MEGF11: variants seen among roughly 807,000 people sequenced by gnomAD.
MEGF11 encodes the protein multiple EGF like domains 11.
MEGF11 carries 126 observed loss-of-function variants against 146.6 expected under a neutral mutation model. The ratio of observed to expected loss-of-function variants is 0.86; its 90% CI spans 0.74 to 1.00. The LOEUF is 1.00. MEGF11 is among the 50% of genes least tolerant of loss of function. The pLI is 0.00. For missense variants in MEGF11, 1,509 were observed against 1,521.2 expected (o/e 0.99, Z 0.13); for synonymous variants, 532 against 583.4 (o/e 0.91, Z 1.27).
At chr15:66,055,852 T>A (rs1368599729) in intron 5 of MEGF11, among the ~76,000 whole-genome samples, 1 of 152,028 alleles carries the variant, frequency 6.6e-6, no homozygotes, top group Non-Finnish European at 1.5e-5. Flanking sequence ...GTGGTTTCCA[T>A]CTCTCTCGTA....
chr15:66,004,233 C>G (rs908165736), intron 5 of MEGF11, among the ~76,000 whole-genome samples: 2 of 152,244 alleles, frequency 1.3e-5, no homozygotes, highest in East Asian at 3.9e-4. Flanking sequence ...AAGTCCTCCC[C>G]CTAGACCTTG....
chr15:66,132,789 C>T (rs1324035885), intron 1 of MEGF11, among the ~76,000 whole-genome samples: 1 of 152,162 alleles, frequency 6.6e-6, no homozygotes, highest in African/African-American at 2.4e-5. Flanking sequence ...ATATTTACCA[C>T]TTAGATATGG....
At chr15:66,185,209 T>C (rs1209033580) in intron 1 of MEGF11, among the ~76,000 whole-genome samples, 3 of 152,062 alleles carry the variant, frequency 2.0e-5, no homozygotes, top group African/African-American at 7.2e-5. Context: ...TTACAACCCC[T>C]GCTCCCTGCA....
At chr15:66,044,070 C>T (rs2084099981) in intron 5 of MEGF11, among the ~76,000 whole-genome samples, 1 of 152,126 alleles carries the variant, frequency 6.6e-6, no homozygotes, top group South Asian at 2.1e-4. Context: ...ATGCTTCCCA[C>T]AGGAGGCAGT....
At chr15:66,123,843 A>G (rs1047132632) in intron 3 of MEGF11, 56 bp downstream of exon 3, 3 of 1,449,892 alleles carry the variant, frequency 2.1e-6, no homozygotes, top group East Asian at 2.3e-5. Flanking sequence ...GCACAGAGGC[A>G]AGCCCTGAGA....
At chr15:66,138,122 C>T (rs945187289) in intron 1 of MEGF11, among the ~76,000 whole-genome samples, 2 of 152,094 alleles carry the variant, frequency 1.3e-5, no homozygotes, top group African/African-American at 4.8e-5. Flanking sequence ...AAGGGAGGGC[C>T]CTACAGGCAA....
intron 7 of MEGF11, among the ~76,000 whole-genome samples, chr15:65,975,122 C>G (rs993708301): frequency 1.3e-5 from 2 of 152,178 alleles, no homozygotes; most frequent in African/African-American, 4.8e-5. Flanking sequence ...GCTGAGATTA[C>G]AGGCATGAAC....
intron 17 of MEGF11, chr15:65,916,547 T>A: frequency 1.5e-6 from 1 of 662,632 alleles, no homozygotes. Context: ...TCCTCCCCAC[T>A]CTGGGCCCCA....
At position 65,930,879 on chromosome 15, in the gene MEGF11, C is replaced by A; in HGVS notation, c.1352G>T (p.Ser451Ile). 1 of 1,611,886 alleles carries A rather than the reference C, an allele frequency of 6.2e-7. No homozygotes were observed. The highest frequency in any genetic ancestry group is 8.5e-7 in the Non-Finnish European group (1 of 1,178,874). The change falls in exon 11 of 26, where the codon AGC (serine) becomes ATC (isoleucine). Residue 451 changes from serine to isoleucine, a missense_variant. Ser to Ile is a moderately radical substitution (Grantham distance 142). Coordinates refer to ENST00000395614, the MANE Select transcript of MEGF11 (RefSeq NM_001385028.1). ...GGAGCAGGTGCCACCATTGTTACAG[C>A]TACAGATGGACGAGCAGTTGGGGCC... ...TYGPNCSSIC[S>I]CNNGGTCSPV...
chr15:65,943,815 A>G lies in MEGF11; in HGVS notation c.1288-12872T>C, dbSNP rs559321664. Reference sequence around the variant, plus strand: ...GTGGCTTTGAGCATGGTACGGGTCAAAGTCAGGGAGGGGTGGCTTGGATCT... The same window carrying G: ...GTGGCTTTGAGCATGGTACGGGTCAGAGTCAGGGAGGGGTGGCTTGGATCT... On this transcript the variant is annotated intron_variant, in intron 10 of 25. Coordinates refer to ENST00000395614, the MANE Select transcript of MEGF11 (RefSeq NM_001385028.1). 1.2e-4 allele frequency among the ~76,000 whole-genome samples: 18 copies of G among 152,106 alleles called. No individual in the cohort carries two copies. The East Asian group carries it at 3.5e-3, about 30-fold the overall frequency.
chr15:65,913,779 TGTAG>T lies in MEGF11; in HGVS notation c.2664_2667del (p.Tyr889HisfsTer4). On this transcript the variant is annotated frameshift_variant, in exon 20 of 26. Transcript: ENST00000395614. LOFTEE classifies it high-confidence loss of function. ...GTGCTGGTCATCCTCATGGCAGGTG[TGTAG>T]GAGACACGGGGAGCCAGGTCTCGGC... 6.2e-7 allele frequency: 1 copy of T among 1,613,424 alleles called. No individual in the cohort carries two copies. Among genetic ancestry groups the T allele is most frequent in the Non-Finnish European group, 8.5e-7 (1 of 1,179,698 alleles).
chr15:66,125,480 G>A (rs1453467673), intron 2 of MEGF11, among the ~76,000 whole-genome samples: 1 of 152,184 alleles, frequency 6.6e-6, no homozygotes, highest in East Asian at 1.9e-4. Flanking sequence ...GAGGCAGTAG[G>A]AGGGCGAGTT....
chr15:66,190,034 T>C (rs2090828075), intron 1 of MEGF11, among the ~76,000 whole-genome samples: 1 of 152,138 alleles, frequency 6.6e-6, no homozygotes, highest in Non-Finnish European at 1.5e-5. Flanking sequence ...AGTTCTCAAA[T>C]GGGCTGCATA....
chr15:65,965,775 T>C (rs926358171), intron 8 of MEGF11, among the ~76,000 whole-genome samples: 2 of 151,852 alleles, frequency 1.3e-5, no homozygotes, highest in Non-Finnish European at 2.9e-5. Context: ...TCAATGTCCA[T>C]TGTTTATAAA....
intron 5 of MEGF11, among the ~76,000 whole-genome samples, chr15:65,987,672 C>A (rs1057241343): frequency 6.6e-6 from 1 of 152,178 alleles, no homozygotes; most frequent in South Asian, 2.1e-4. Context: ...TAGTTCCTCC[C>A]CTACCACACT....
At chr15:66,169,379 C>T (rs968033597) in intron 1 of MEGF11, among the ~76,000 whole-genome samples, 1 of 152,216 alleles carries the variant, frequency 6.6e-6, no homozygotes, top group East Asian at 1.9e-4. Flanking sequence ...ACTCGAGAGA[C>T]TTGGCCGGGA....
intron 1 of MEGF11, among the ~76,000 whole-genome samples, chr15:66,198,962 T>C (rs2091081338): frequency 6.6e-6 from 1 of 152,188 alleles, no homozygotes; most frequent in South Asian, 2.1e-4. Context: ...TAATCATCTC[T>C]GGAGTAAGCC....
chr15:65,910,811 A>T (rs2078778384), intron 21 of MEGF11, among the ~76,000 whole-genome samples: 1 of 152,174 alleles, frequency 6.6e-6, no homozygotes, highest in Non-Finnish European at 1.5e-5. Context: ...TATGAAAGCC[A>T]TGCTTTTGTC....
chr15:66,170,014 G>GA (rs5813377), intron 1 of MEGF11, among the ~76,000 whole-genome samples: 17 of 149,496 alleles, frequency 1.1e-4, no homozygotes, highest in African/African-American at 2.7e-4. Flanking sequence ...ACCGTCTGCC[G>GA]AAAAAAAAAA....
Sources: allele counts gnomAD v4.1 joint callset (sites outside exome capture counted in the v4.1 genomes callset), GRCh38; gene constraint gnomAD v4.1.1; transcripts MANE v1.5; gene names NCBI Gene and HGNC (gene_info 2026-07-23, HGNC 2026-07-21).